Variants in EPB41L4A observed in about 807,000 individuals in gnomAD.
The protein encoded by EPB41L4A is erythrocyte membrane protein band 4.1 like 4A, also known as band 4.1-like protein 4A.
EPB41L4A carries 100 observed loss-of-function variants against 108.6 expected under a neutral mutation model. The ratio of observed to expected loss-of-function variants is 0.92; its 90% CI spans 0.78 to 1.09. The LOEUF is 1.09. Ranked by LOEUF, EPB41L4A falls within the 50% of genes least tolerant of loss-of-function variation. The probability of loss-of-function intolerance (pLI) is 0.00; values close to 1 mark genes in which losing one functional copy is unlikely to be tolerated. For synonymous variants in EPB41L4A, 319 were observed against 289.0 expected, an observed-to-expected ratio of 1.10 and a Z score of -1.05; for missense variants, 1,030 against 842.7, an observed-to-expected ratio of 1.22 and a Z score of -2.75.
intron 18 of EPB41L4A, among the ~76,000 whole-genome samples, chr5:112,181,960 C>A (rs1238176557): frequency 2.0e-5 from 3 of 151,898 alleles, no homozygotes; most frequent in African/African-American, 7.3e-5. Context: ...GTAATCCCAG[C>A]TACTCAGGAG....
chr5:112,310,398 T>C (rs1454670682), intron 1 of EPB41L4A, among the ~76,000 whole-genome samples: 1 of 152,210 alleles, frequency 6.6e-6, no homozygotes, highest in Non-Finnish European at 1.5e-5. Flanking sequence ...CTTACTGCAT[T>C]GGCTGGGACC....
chr5:112,156,430 G>A (rs1321324022), intron 12 of EPB41L4A, among the ~76,000 whole-genome samples: 5 of 152,156 alleles, frequency 3.3e-5, no homozygotes, highest in Admixed American at 2.0e-4. Context: ...CAGGAGAACT[G>A]AGGGCAGAAG....
intron 9 of EPB41L4A, among the ~76,000 whole-genome samples, chr5:112,243,000 G>A (rs1309293969): frequency 6.6e-6 from 1 of 152,032 alleles, no homozygotes; most frequent in Non-Finnish European, 1.5e-5. Flanking sequence ...GATCACCTGA[G>A]GTCAGGAGTT....
chr5:112,275,481 T>C (rs779839998), intron 3 of EPB41L4A, 77 bp from the exon 4 acceptor site: 19 of 1,387,652 alleles, frequency 1.4e-5, no homozygotes, highest in East Asian at 2.7e-5. Flanking sequence ...TATACAGCTA[T>C]TTACAATTAC....
intron 1 of EPB41L4A, among the ~76,000 whole-genome samples, chr5:112,358,492 C>G (rs1248390051): frequency 6.6e-6 from 1 of 152,112 alleles, no homozygotes; most frequent in Non-Finnish European, 1.5e-5. Context: ...ATCTAGAATC[C>G]CCTTGCAATC....
Position 112,164,920 on chromosome 5 carries a change from A to ATTTCACAG in EPB41L4A, c.*62_*69dup. On this transcript the variant is annotated 3_prime_UTR_variant, in exon 23 of 23. Coordinates refer to ENST00000261486, the MANE Select transcript of EPB41L4A (RefSeq NM_022140.5). ...GTCTGAGATTTGAATTAAGATACCT[A>ATTTCACAG]TTTCACAGTTTCAAAAGTACCAGTG... 7.0e-7 allele frequency: 1 copy of ATTTCACAG among 1,419,014 alleles called. No homozygotes were observed. The highest frequency in any genetic ancestry group is 9.4e-7 in the Non-Finnish European group (1 of 1,064,782). 87.9% of individuals were successfully genotyped at this position (1,419,014 alleles called of 1,614,324 possible).
chr5:112,177,157 G>C (rs1760910586), intron 18 of EPB41L4A, among the ~76,000 whole-genome samples: 1 of 152,004 alleles, frequency 6.6e-6, no homozygotes, highest in South Asian at 2.1e-4. Flanking sequence ...TCTGACACAG[G>C]TCCTACTGGA....
At chr5:112,330,865 C>T (rs1756518391) in intron 1 of EPB41L4A, among the ~76,000 whole-genome samples, 1 of 152,056 alleles carries the variant, frequency 6.6e-6, no homozygotes, top group South Asian at 2.1e-4. Flanking sequence ...CCTTCGGAGA[C>T]AGCAGTTAGG....
chr5:112,148,808 A>C (rs1195267432), intron 12 of EPB41L4A, among the ~76,000 whole-genome samples: 1 of 152,218 alleles, frequency 6.6e-6, no homozygotes, highest in Admixed American at 6.5e-5. Context: ...TCCAAATGGC[A>C]AATCACTGTT....
chr5:112,192,838 T>C (rs768455336), intron 17 of EPB41L4A, among the ~76,000 whole-genome samples: 9 of 152,242 alleles, frequency 5.9e-5, no homozygotes, highest in Non-Finnish European at 1.0e-4. Flanking sequence ...AGAACACTTA[T>C]GGGCACAATT....
chr5:112,411,967 C>T lies in EPB41L4A; in HGVS notation c.99+6974G>A, dbSNP rs540845245. Among the ~76,000 whole-genome samples, 9 of 152,306 alleles carry T rather than the reference C, an allele frequency of 5.9e-5. No homozygotes were observed. In the South Asian group the frequency reaches 1.9e-3, roughly 32 times the overall value. ...GCAACCTGACCCTCACTCACGGCCC[C>T]CACTGTTCTCTAAACAAAGCACTTT... On this transcript the variant is annotated intron_variant, in intron 1 of 22. Transcript: ENST00000261486.
At chr5:112,306,808 C>T (rs780725651) in intron 2 of EPB41L4A, among the ~76,000 whole-genome samples, 4 of 148,246 alleles carry the variant, frequency 2.7e-5, no homozygotes, top group Non-Finnish European at 6.0e-5. Flanking sequence ...CTCTCTACTC[C>T]GGACTGGAAG....
chr5:112,340,993 T>C (rs1757280158), intron 1 of EPB41L4A, among the ~76,000 whole-genome samples: 1 of 152,200 alleles, frequency 6.6e-6, no homozygotes, highest in Admixed American at 6.5e-5. Context: ...AGATTTCTGC[T>C]CAAATGTTAC....
chr5:112,253,457 G>A (rs377145930), intron 9 of EPB41L4A, among the ~76,000 whole-genome samples: 3 of 152,258 alleles, frequency 2.0e-5, no homozygotes, highest in South Asian at 4.2e-4. Context: ...CAGATTAAAG[G>A]AGGTTATCTG....
chr5:112,149,476 A>G (rs1368962249), intron 12 of EPB41L4A, among the ~76,000 whole-genome samples: 15 of 152,214 alleles, frequency 9.9e-5, no homozygotes, highest in Admixed American at 9.8e-4. Context: ...CATTTCAAAA[A>G]GAAAAAGAGA....
At chr5:112,413,858 G>C (rs1762551357) in intron 1 of EPB41L4A, among the ~76,000 whole-genome samples, 2 of 152,244 alleles carry the variant, frequency 1.3e-5, no homozygotes, top group African/African-American at 2.4e-5. Flanking sequence ...GGCAGGGCTA[G>C]ATCAGGTAGG....
chr5:112,256,731 T>C (rs1751123354), intron 9 of EPB41L4A: 1 of 152,158 alleles, frequency 6.6e-6, no homozygotes, highest in African/African-American at 2.4e-5. Context: ...TAGGGGATAA[T>C]CTACATGTAT....
chr5:112,161,813 TTTTTATCACC>T (rs1759925249), downstream of EPB41L4A: 6 of 298,802 alleles, frequency 2.0e-5, no homozygotes, highest in South Asian at 8.5e-5. Flanking sequence ...GTAATGGGAA[TTTTTATCACC>T]TTTTAAATTG....
chr5:112,170,824 C>CA, intron 19 of EPB41L4A, 121 bp downstream of exon 19: 2 of 829,150 alleles, frequency 2.4e-6, no homozygotes, highest in South Asian at 3.1e-5. Flanking sequence ...CTGCCACACA[C>CA]AGTGGCAATG....
Sources: gnomAD v4.1 joint callset for allele counts (sites outside exome capture counted in the v4.1 genomes callset) on GRCh38, gnomAD v4.1.1 for gene constraint, MANE v1.5 for transcripts, NCBI Gene and HGNC (gene_info 2026-07-23, HGNC 2026-07-21) for gene names.